The following TTC13 variants were observed in gnomAD, a reference collection of about 807,000 sequenced individuals.
The protein encoded by TTC13 is tetratricopeptide repeat domain 13.
A neutral mutation model predicts 120.0 loss-of-function variants in TTC13; 62 were observed. The observed-to-expected ratio is 0.52, with a 90% CI of 0.42 to 0.64. The LOEUF is 0.64. Among genes scored for constraint, TTC13 ranks in the 30% least tolerant of loss-of-function variants. TTC13 has a pLI of 0.00. For missense variants in TTC13, 824 were observed against 1,050.2 expected (o/e 0.78, Z 2.98); for synonymous variants, 384 against 393.5 (o/e 0.98, Z 0.28).
At chr1:230,915,529 T>A (rs1438936540) in intron 18 of TTC13, among the ~76,000 whole-genome samples, 1 of 152,132 alleles carries the variant, frequency 6.6e-6, no homozygotes, top group African/African-American at 2.4e-5. Flanking sequence ...AAGTGGTCAA[T>A]AACAAAAAGA....
intron 5 of TTC13, 83 bp downstream of exon 5, chr1:230,945,306 A>G: frequency 8.2e-7 from 1 of 1,218,404 alleles, no homozygotes; most frequent in Non-Finnish European, 1.2e-6. Flanking sequence ...TCAAGGGTCA[A>G]TGAACAGTAG....
chr1:230,907,630 A>G (rs1437181607), intron 22 of TTC13, among the ~76,000 whole-genome samples: 3 of 152,244 alleles, frequency 2.0e-5, no homozygotes, highest in Non-Finnish European at 4.4e-5. Flanking sequence ...GTACCAGGAC[A>G]AGGTGTAACT....
chr1:230,908,816 T>C (rs747044106), intron 21 of TTC13, 25 bp from the exon 22 acceptor site: 2 of 1,610,198 alleles, frequency 1.2e-6, no homozygotes, highest in African/African-American at 1.3e-5. Context: ...CATTTAGGAA[T>C]GTTACTAAAC....
chr1:230,978,412 C>A lies in TTC13; in HGVS notation c.271+148G>T, dbSNP rs1022610089. The A allele has an allele frequency of 3.1e-4, 60 of 192,468 alleles. No individual in the cohort carries two copies. The highest frequency in any genetic ancestry group is 1.4e-3 in the African/African-American group (58 of 42,346). The allele number at this position is 192,468 out of a possible 1,614,324, so 11.9% of individuals were successfully genotyped here. On this transcript the variant is annotated intron_variant, in intron 1 of 22. Transcript: ENST00000366661. The surrounding 1 kb of genome is among the most constrained non-coding windows in gnomAD (Gnocchi z 5.6). The stretch of plus-strand genomic sequence containing the variant: ...TGGGTGGCAGCGGCGGGAAGCTGCC[C>A]GCCAGGACCCCTGGCCGAGCCGGCT...
Position 230,944,420 on chromosome 1 carries a change from T to C in TTC13, c.580-522A>G, listed in dbSNP as rs1674797530. 6.6e-6 allele frequency among the ~76,000 whole-genome samples: 1 copy of C among 152,238 alleles called. No homozygotes were observed. Among genetic ancestry groups the C allele is most frequent in the Non-Finnish European group, 1.5e-5 (1 of 68,046 alleles). On this transcript the variant is annotated intron_variant, in intron 5 of 22. Transcript: ENST00000366661. This position sits in a 1 kb window ranked among gnomAD's most constrained non-coding sequence, Gnocchi z 4.0. ...TATACATGCAAATTTAATCTCAAGA[T>C]ATATAATTTTAAAAGATGAGAATTA...
In TTC13 at chr1:230,931,371, T is replaced by C. The variant is rs771303327; in HGVS notation, c.1227A>G (p.Thr409=). Residue 409 remains threonine (T), a synonymous_variant, in exon 11 of 23, where the codon ACA becomes ACG. Transcript: ENST00000366661. ...GQFYEGIKAQ[T]KVMLNDPLPG... Reference sequence around the variant, plus strand: ...GGAGAGGATCATTCAGCATAACTTTTGTTTGTGCTTTTATCCCTTCATAAA... The same window carrying C: ...GGAGAGGATCATTCAGCATAACTTTCGTTTGTGCTTTTATCCCTTCATAAA... The C allele has an allele frequency of 6.2e-7, 1 of 1,614,238 alleles. No homozygotes were observed. Among genetic ancestry groups the C allele is most frequent in the Admixed American group, 1.7e-5 (1 of 60,034 alleles).
rs901353914 is a variant in TTC13, at chr1:230,944,254, C to A, written c.580-356G>T. 6.6e-6 allele frequency among the ~76,000 whole-genome samples: 1 copy of A among 152,144 alleles called. No individual in the cohort carries two copies. The highest frequency in any genetic ancestry group is 2.4e-5 in the African/African-American group (1 of 41,436). On this transcript the variant is annotated intron_variant, in intron 5 of 22. Transcript: ENST00000366661. This position sits in a 1 kb window ranked among gnomAD's most constrained non-coding sequence, Gnocchi z 4.0. ...ATGAAATGAGGCTGACCTGTGGCAA[C>A]AGGGGAACAGAAATGGGTCAAGACA...
At chr1:230,946,346 GT>G (rs1318275699) in intron 4 of TTC13, among the ~76,000 whole-genome samples, 5 of 152,156 alleles carry the variant, frequency 3.3e-5, no homozygotes, top group Non-Finnish European at 7.3e-5. Flanking sequence ...TTAATCTACT[GT>G]TCAGTTTCAA....
chr1:230,918,584 TGTTTACTGA>T (rs1287238609), intron 17 of TTC13, among the ~76,000 whole-genome samples: 1 of 152,212 alleles, frequency 6.6e-6, no homozygotes, highest in Non-Finnish European at 1.5e-5. Context: ...CATCTGAACA[TGTTTACTGA>T]GTCAACGCAG....
intron 1 of TTC13, among the ~76,000 whole-genome samples, chr1:230,977,362 GA>G (rs1678422980): frequency 6.6e-6 from 1 of 152,174 alleles, no homozygotes; most frequent in Non-Finnish European, 1.5e-5. Flanking sequence ...ATTTTACAAA[GA>G]CAGGTAATTC....
At chr1:230,972,517 T>C (rs752451432) in intron 1 of TTC13, among the ~76,000 whole-genome samples, 3 of 152,248 alleles carry the variant, frequency 2.0e-5, no homozygotes, top group Non-Finnish European at 4.4e-5. Flanking sequence ...ATGACCTCTT[T>C]AAAACAACTC....
At chr1:230,972,040 A>T (rs68104388) in intron 1 of TTC13, among the ~76,000 whole-genome samples, 34,744 of 152,212 alleles carry the variant, frequency 0.23, 4,297 homozygotes, top group Non-Finnish European at 0.28. Flanking sequence ...CACTGAGAAC[A>T]TTGCAAACAC....
At chr1:230,913,719 T>G (rs1160652708) in intron 18 of TTC13, among the ~76,000 whole-genome samples, 2 of 152,194 alleles carry the variant, frequency 1.3e-5, no homozygotes, top group Non-Finnish European at 2.9e-5. Flanking sequence ...GAATCTAATT[T>G]GGACAACATA....
intron 8 of TTC13, among the ~76,000 whole-genome samples, chr1:230,938,114 T>G (rs755310197): frequency 2.0e-5 from 3 of 152,220 alleles, no homozygotes; most frequent in Non-Finnish European, 4.4e-5. Context: ...TAATAAAATG[T>G]CTGTTCTTTC....
In TTC13 at chr1:230,939,631, T is replaced by C. The variant is rs929702964; in HGVS notation, c.790-135A>G. The C allele has an allele frequency of 2.4e-5, 13 of 546,264 alleles. No individual in the cohort carries two copies. The South Asian group carries it at 3.3e-4, about 14-fold the overall frequency. The allele number at this position is 546,264 out of a possible 1,614,324, so 33.8% of individuals were successfully genotyped here. A position where few individuals can be genotyped will look rare whatever the true frequency, so the allele number is the denominator to read the frequency against. On this transcript the variant is annotated intron_variant, in intron 7 of 22. Coordinates refer to ENST00000366661, the MANE Select transcript of TTC13 (RefSeq NM_024525.5). ...TTTTGGCTTTAAAGGAAACATTTCA[T>C]GACACTATATATTGGTTAAGTGCTT...
chr1:230,923,339 C>A (rs548411356), intron 15 of TTC13, among the ~76,000 whole-genome samples: 9 of 152,232 alleles, frequency 5.9e-5, no homozygotes, highest in South Asian at 2.1e-4. Context: ...GTTTTCCAGC[C>A]AACCTGACTT....
chr1:230,932,209 C>T (rs1216238682), intron 9 of TTC13, among the ~76,000 whole-genome samples: 2 of 152,058 alleles, frequency 1.3e-5, no homozygotes, highest in African/African-American at 4.8e-5. Context: ...TGGATAGAAA[C>T]ACACTTTTCC....
At chr1:230,955,258 C>T (rs35666055) in intron 3 of TTC13, among the ~76,000 whole-genome samples, 8,024 of 152,194 alleles carry the variant, frequency 0.053, 529 homozygotes, top group East Asian at 0.37. Context: ...TGCAAAAAAG[C>T]TCTTCTGTAA....
Position 230,911,477 on chromosome 1 carries a change from CT to C in TTC13, c.2301del (p.Gly768AspfsTer4). ...TGACAGGATATTACTTACCTGGATC[CT>C]CGAGAGAGTGGCATTAAATTATAAA... ...YYFYNLMPLSRGSSVIAYSVI... is the reference protein window; with the variant it reads ...YYFYNLMPLSXGSSVIAYSVI... On this transcript the variant is annotated frameshift_variant, in exon 20 of 23. Coordinates refer to ENST00000366661, the MANE Select transcript of TTC13 (RefSeq NM_024525.5). LOFTEE classifies it high-confidence loss of function. The C allele has an allele frequency of 1.3e-6, 2 of 1,593,562 alleles. No individual in the cohort carries two copies. The highest frequency in any genetic ancestry group is 1.7e-6 in the Non-Finnish European group (2 of 1,169,836).
Sources: allele counts gnomAD v4.1 joint callset (sites outside exome capture counted in the v4.1 genomes callset), GRCh38; gene constraint gnomAD v4.1.1; non-coding constraint Gnocchi (gnomAD v3.1); transcripts MANE v1.5; gene names NCBI Gene and HGNC (gene_info 2026-07-23, HGNC 2026-07-21).